The following MCM9 variants were observed in gnomAD, a reference collection of about 807,000 sequenced individuals.
The protein encoded by MCM9 is minichromosome maintenance 9 homologous recombination repair factor, also known as DNA helicase MCM9.
A neutral mutation model predicts 72.8 loss-of-function variants in MCM9; 55 were observed. The ratio of observed to expected loss-of-function variants is 0.76; its 90% CI spans 0.61 to 0.95. The LOEUF is 0.95. Ranked by LOEUF, MCM9 falls within the 40% of genes least tolerant of loss-of-function variation. MCM9 has a pLI of 0.00. For missense variants in MCM9, 1,279 were observed against 1,377.0 expected (o/e 0.93, Z 1.13); for synonymous variants, 480 against 503.4 (o/e 0.95, Z 0.62).
chr6:118,814,987 G>A lies in MCM9; in HGVS notation c.3269C>T (p.Pro1090Leu). ...NRGERGPSSP[P>L]TTTAPMRVSK... ...GACACGCATTGGAGCTGTGGTTGTA[G>A]GAGGGGAGCTTGGGCCTCTCTCACC... Residue 1090 changes from proline (P) to leucine (L), a missense_variant, in exon 14 of 14, where the codon CCT becomes CTT. Physicochemically the swap from Pro to Leu is moderately conservative, Grantham distance 98. Transcript: ENST00000619706. 3 of 1,550,510 alleles carry A rather than the reference G, an allele frequency of 1.9e-6. No homozygotes were observed. The highest frequency in any genetic ancestry group is 2.6e-6 in the Non-Finnish European group (3 of 1,146,934).
chr6:118,875,073 A>ATCTTCT (rs565261842), intron 8 of MCM9, among the ~76,000 whole-genome samples: 3 of 152,204 alleles, frequency 2.0e-5, no homozygotes, highest in Non-Finnish European at 4.4e-5. Context: ...AGATCGCGCC[A>ATCTTCT]TTGCACTCCA....
chr6:118,911,781 C>T lies in MCM9; in HGVS notation c.1031-12G>A. 1 of 1,598,166 alleles carries T rather than the reference C, an allele frequency of 6.3e-7. No homozygotes were observed. Among genetic ancestry groups the T allele is most frequent in the Non-Finnish European group, 8.6e-7 (1 of 1,168,398 alleles). On this transcript the variant is annotated splice_polypyrimidine_tract_variant and intron_variant, in intron 7 of 13. Coordinates refer to ENST00000619706, the MANE Select transcript of MCM9 (RefSeq NM_017696.3). Reference sequence around the variant, plus strand: ...AAGATGAGATTCTCCTAGGAAAAAGCAAATACATGAAGTTTTAAATTTCTA... The same window carrying T: ...AAGATGAGATTCTCCTAGGAAAAAGTAAATACATGAAGTTTTAAATTTCTA...
intron 8 of MCM9, among the ~76,000 whole-genome samples, chr6:118,879,231 T>C (rs1330720640): frequency 1.6e-5 from 2 of 122,652 alleles, no homozygotes; most frequent in Non-Finnish European, 3.4e-5. Flanking sequence ...AAGGCAAAGG[T>C]TGTTAGAATG....
intron 5 of MCM9, chr6:118,919,904 C>G (rs972516676): frequency 2.6e-5 from 4 of 152,132 alleles, no homozygotes; most frequent in Admixed American, 6.6e-5. Context: ...CTAACTAGAT[C>G]GTAAATTCCT....
chr6:118,935,155 C>G lies in MCM9; in HGVS notation c.-414G>C, dbSNP rs1261936353. 1 of 152,352 alleles carries G rather than the reference C, an allele frequency of 6.6e-6. No individual in the cohort carries two copies. Among genetic ancestry groups the G allele is most frequent in the South Asian group, 2.1e-4 (1 of 4,832 alleles). The allele number at this position is 152,352 out of a possible 1,614,324, so 9.4% of individuals were successfully genotyped here. A position where few individuals can be genotyped will look rare whatever the true frequency, so the allele number is the denominator to read the frequency against. On this transcript the variant is annotated 5_prime_UTR_variant, in exon 1 of 14. Transcript: ENST00000619706. The stretch of plus-strand genomic sequence containing the variant: ...AACTTCCCTGCCCCGGCGGCTCTTC[C>G]GGATGGAGACGAGGCAGCGGGGCGG...
At position 118,879,483 on chromosome 6, in the gene MCM9, T is replaced by C. The variant is rs569976913; in HGVS notation, c.1151-22938A>G. The stretch of plus-strand genomic sequence containing the variant: ...AAGTGTAGATATCTGTTAGACAACT[T>C]CTAGAGGATCTATGCACAAAATGTG... On this transcript the variant is annotated intron_variant, in intron 8 of 13. Coordinates refer to ENST00000619706, the MANE Select transcript of MCM9 (RefSeq NM_017696.3). Among the ~76,000 whole-genome samples, 14 of 149,178 alleles carry C rather than the reference T, an allele frequency of 9.4e-5. No individual in the cohort carries two copies. In the South Asian group the frequency reaches 3.0e-3, roughly 32 times the overall value.
At chr6:118,933,097 CAAA>C (rs1324086687) in intron 1 of MCM9, among the ~76,000 whole-genome samples, 1 of 152,042 alleles carries the variant, frequency 6.6e-6, no homozygotes, top group Non-Finnish European at 1.5e-5. Context: ...TACCAGTGGT[CAAA>C]AATGCAATAT....
chr6:118,854,258 C>T (rs554550657), intron 9 of MCM9, among the ~76,000 whole-genome samples: 44 of 152,094 alleles, frequency 2.9e-4, no homozygotes, highest in Non-Finnish European at 5.9e-4. Context: ...ACAATATTGA[C>T]CAGAAATGAG....
intron 13 of MCM9, among the ~76,000 whole-genome samples, chr6:118,821,059 G>A (rs1773770442): frequency 6.6e-6 from 1 of 151,984 alleles, no homozygotes; most frequent in South Asian, 2.1e-4. Context: ...CACACTGATG[G>A]GTCTTGACTC....
At position 118,923,872 on chromosome 6, in the gene MCM9, G is replaced by C. The variant is rs1427252745; in HGVS notation, c.560C>G (p.Ser187Ter). 6.2e-7 allele frequency: 1 copy of C among 1,614,184 alleles called. No individual in the cohort carries two copies. The highest frequency in any genetic ancestry group is 1.1e-5 in the South Asian group (1 of 91,084). ...SCDSSKFTCLSGLSSSPTRCR... is the reference protein window; with the variant it reads ...SCDSSKFTCL Reference sequence around the variant, plus strand: ...CCTGGTTGGAGACGAAGACAAGCCTGAGAGGCAAGTGAATTTAGAGGAATC... The same window carrying C: ...CCTGGTTGGAGACGAAGACAAGCCTCAGAGGCAAGTGAATTTAGAGGAATC... The change falls in exon 4 of 14, where the codon TCA (serine) becomes TGA (stop). Residue 187 changes from serine (S) to a stop codon, truncating the protein, a stop_gained. Coordinates refer to ENST00000619706, the MANE Select transcript of MCM9 (RefSeq NM_017696.3). LOFTEE classifies it high-confidence loss of function.
intron 8 of MCM9, chr6:118,909,210 T>C (rs539781401): frequency 6.6e-5 from 10 of 152,338 alleles, no homozygotes; most frequent in African/African-American, 2.2e-4. Flanking sequence ...ACATATGTGC[T>C]TATTAGAAAT....
chr6:118,830,630 C>T (rs931441909), intron 9 of MCM9, among the ~76,000 whole-genome samples: 6 of 152,142 alleles, frequency 3.9e-5, no homozygotes, highest in African/African-American at 7.2e-5. Context: ...ACACTGAAGA[C>T]GGACTATTTG....
chr6:118,932,984 A>G (rs1173328606), intron 1 of MCM9, among the ~76,000 whole-genome samples: 1 of 152,196 alleles, frequency 6.6e-6, no homozygotes, highest in African/African-American at 2.4e-5. Context: ...CCATTTCCTA[A>G]TATCTATCAT....
chr6:118,883,471 T>C (rs1778423921), intron 8 of MCM9, among the ~76,000 whole-genome samples: 1 of 151,660 alleles, frequency 6.6e-6, no homozygotes, highest in African/African-American at 2.4e-5. Flanking sequence ...CAATGGACTA[T>C]ACATTCAAGA....
intron 13 of MCM9, among the ~76,000 whole-genome samples, chr6:118,823,200 C>T (rs2114525716): frequency 6.6e-6 from 1 of 152,274 alleles, no homozygotes; most frequent in Admixed American, 6.5e-5. Flanking sequence ...CAAATTGCCA[C>T]CCAGTTTTGT....
chr6:118,834,608 C>T (rs1299392627), intron 9 of MCM9, among the ~76,000 whole-genome samples: 2 of 152,042 alleles, frequency 1.3e-5, no homozygotes, highest in Non-Finnish European at 2.9e-5. Flanking sequence ...CTAATGACTA[C>T]TGATGATGAG....
intron 8 of MCM9, among the ~76,000 whole-genome samples, chr6:118,904,155 A>C (rs1045226969): frequency 6.6e-6 from 1 of 152,190 alleles, no homozygotes; most frequent in African/African-American, 2.4e-5. Flanking sequence ...AGAGCTGGGG[A>C]GATCAGTTAG....
At chr6:118,917,299 ACT>A (rs150268421) in intron 6 of MCM9, among the ~76,000 whole-genome samples, 3,273 of 152,234 alleles carry the variant, frequency 0.021, 53 homozygotes, top group African/African-American at 0.051. Flanking sequence ...ATGATAGGAA[ACT>A]CTGAAATTGT....
rs917931202 is a variant in MCM9, at chr6:118,815,295, C to G, written c.2961G>C (p.Gln987His). 17 of 1,550,568 alleles carry G rather than the reference C, an allele frequency of 1.1e-5. No individual in the cohort carries two copies. Among genetic ancestry groups the G allele is most frequent in the Non-Finnish European group, 1.4e-5 (16 of 1,146,970 alleles). Residue 987 changes from glutamine to histidine, a missense_variant, in exon 14 of 14, where the codon CAG becomes CAC. Physicochemically the swap from Gln to His is conservative, Grantham distance 24. Coordinates refer to ENST00000619706, the MANE Select transcript of MCM9 (RefSeq NM_017696.3). ...GCTGCGACACCTCCTTTGTCTCACC[C>G]TGTGGCTGACTGGAGATCTGGTTTC... ...TPGNQISSQPQGETKEVSQQP... is the reference protein window; with the variant it reads ...TPGNQISSQPHGETKEVSQQP...
Sources: allele counts gnomAD v4.1 joint callset (sites outside exome capture counted in the v4.1 genomes callset), GRCh38; gene constraint gnomAD v4.1.1; transcripts MANE v1.5; gene names NCBI Gene and HGNC (gene_info 2026-07-23, HGNC 2026-07-21).